TIAM1: variants seen among roughly 807,000 people sequenced by gnomAD.
TIAM1 encodes TIAM Rac1 associated GEF 1.
TIAM1 carries 65 observed loss-of-function variants against 163.5 expected under a neutral mutation model. The observed-to-expected ratio is 0.40, with a 90% CI of 0.33 to 0.49. The LOEUF is 0.49. TIAM1 is among the 20% of genes least tolerant of loss of function. TIAM1 has a pLI of 0.77. For missense variants in TIAM1, 1,789 were observed against 2,044.7 expected, an observed-to-expected ratio of 0.87 and a Z score of 2.41; for synonymous variants, 833 against 810.1, an observed-to-expected ratio of 1.03 and a Z score of -0.48.
chr21:31,447,395 C>A (rs549415475), intron 2 of TIAM1, among the ~76,000 whole-genome samples: 2 of 151,946 alleles, frequency 1.3e-5, no homozygotes, highest in South Asian at 2.1e-4. Flanking sequence ...GTGTTCATGC[C>A]ACTGCACTCC....
chr21:31,212,988 C>A, intron 10 of TIAM1: 1 of 161,642 alleles, frequency 6.2e-6, no homozygotes, highest in Admixed American at 6.1e-5. Context: ...GCTATCAGAA[C>A]AGTTCTTTGA....
intron 11 of TIAM1, among the ~76,000 whole-genome samples, chr21:31,204,725 G>A (rs2086362492): frequency 6.6e-6 from 1 of 152,208 alleles, no homozygotes; most frequent in African/African-American, 2.4e-5. Context: ...TGAGGCAGCA[G>A]TGGTTTAGCA....
chr21:31,477,002 C>T (rs918782709), intron 1 of TIAM1, among the ~76,000 whole-genome samples: 6 of 152,202 alleles, frequency 3.9e-5, no homozygotes, highest in Non-Finnish European at 7.3e-5. Flanking sequence ...CCATTAGAGA[C>T]AGGTTCAAAT....
intron 1 of TIAM1, among the ~76,000 whole-genome samples, chr21:31,530,528 A>G (rs965785796): frequency 1.3e-5 from 2 of 152,242 alleles, no homozygotes; most frequent in Non-Finnish European, 2.9e-5. Context: ...TTGTGTGGCT[A>G]TGAAACTCCT....
chr21:31,185,829 T>C (rs543286188), intron 14 of TIAM1, among the ~76,000 whole-genome samples: 3 of 151,946 alleles, frequency 2.0e-5, no homozygotes, highest in Non-Finnish European at 2.9e-5. Context: ...GCAGAAGCCA[T>C]GTGACTTCAG....
chr21:31,398,426 AAATAAAC>A (rs2077109888), intron 2 of TIAM1, among the ~76,000 whole-genome samples: 2 of 152,186 alleles, frequency 1.3e-5, no homozygotes, highest in Non-Finnish European at 2.9e-5. Context: ...ATTTTTTCTT[AAATAAAC>A]CACCACATAA....
At chr21:31,345,688 C>T (rs983491969), upstream of TIAM1, among the ~76,000 whole-genome samples, 1 of 152,210 alleles carries the variant, frequency 6.6e-6, no homozygotes, top group African/African-American at 2.4e-5. Context: ...CGGTGGCTCA[C>T]GCCTATAATC....
At chr21:31,206,936 T>TACACACACACACAC (rs142792769) in intron 11 of TIAM1, among the ~76,000 whole-genome samples, 5,480 of 151,336 alleles carry the variant, frequency 0.036, 285 homozygotes, top group African/African-American at 0.12. Flanking sequence ...GAAATATGTA[T>TACACACACACACAC]ACACACACAC....
chr21:31,384,503 A>G (rs999421085), intron 2 of TIAM1, among the ~76,000 whole-genome samples: 1 of 152,130 alleles, frequency 6.6e-6, no homozygotes, highest in Non-Finnish European at 1.5e-5. Context: ...TGAGCACAGC[A>G]GCTTGAGGCT....
intron 2 of TIAM1, among the ~76,000 whole-genome samples, chr21:31,356,846 T>C (rs569781892): frequency 2.1e-4 from 32 of 152,362 alleles, no homozygotes; most frequent in African/African-American, 7.7e-4. Flanking sequence ...CTGGGCGCAG[T>C]GGCTCAGGCC....
rs1284045068 is a variant in TIAM1 at position 31,372,490 on chromosome 21, A to C, written c.-368-33068T>G. Among the ~76,000 whole-genome samples the C allele has an allele frequency of 2.0e-5, 3 of 152,146 alleles. No individual in the cohort carries two copies. The South Asian group carries it at 6.2e-4, about 32-fold the overall frequency. On this transcript the variant is annotated intron_variant, in intron 2 of 28. Transcript: ENST00000286827. Reference sequence around the variant, plus strand: ...ACCCCTGCTCAGCCGGAACCTAAGAACCACGAGAGCAGTGGGAGAGGAGCC... The same window carrying C: ...ACCCCTGCTCAGCCGGAACCTAAGACCCACGAGAGCAGTGGGAGAGGAGCC...
intron 4 of TIAM1, among the ~76,000 whole-genome samples, chr21:31,253,299 A>G (rs1201255134): frequency 6.6e-6 from 1 of 152,192 alleles, no homozygotes. Context: ...AGTTTCACCA[A>G]TTTGGGGGCC....
At chr21:31,512,847 T>C (rs1414873747) in intron 1 of TIAM1, among the ~76,000 whole-genome samples, 1 of 152,056 alleles carries the variant, frequency 6.6e-6, no homozygotes, top group Non-Finnish European at 1.5e-5. Flanking sequence ...TTTCACCATG[T>C]TGCCCAGACT....
chr21:31,535,723 T>C (rs112526113), intron 1 of TIAM1, among the ~76,000 whole-genome samples: 6,985 of 146,760 alleles, frequency 0.048, 519 homozygotes, highest in African/African-American at 0.16. Flanking sequence ...ACTCTATACC[T>C]TCCCATGGGA....
chr21:31,264,733 G>C (rs1248574175), intron 4 of TIAM1, among the ~76,000 whole-genome samples: 2 of 152,136 alleles, frequency 1.3e-5, no homozygotes, highest in Non-Finnish European at 2.9e-5. Context: ...ACATACCCTT[G>C]AAATGCCCAT....
intron 1 of TIAM1, among the ~76,000 whole-genome samples, chr21:31,467,086 G>A (rs920871195): frequency 6.6e-6 from 1 of 152,006 alleles, no homozygotes. Context: ...GTTAAACAAA[G>A]TTCCATAATC....
chr21:31,558,809 C>A (rs2048985429), intron 1 of TIAM1: 2 of 152,134 alleles, frequency 1.3e-5, no homozygotes, highest in South Asian at 2.1e-4. Context: ...CCCCAGTGTG[C>A]GGGAGACGGG....
chr21:31,249,668 C>T (rs1222125130), intron 5 of TIAM1, among the ~76,000 whole-genome samples: 1 of 152,124 alleles, frequency 6.6e-6, no homozygotes, highest in Non-Finnish European at 1.5e-5. Flanking sequence ...AAGCCTTTCC[C>T]CTCATCTCCT....
chr21:31,504,118 T>G (rs561226953), intron 1 of TIAM1, among the ~76,000 whole-genome samples: 1 of 152,284 alleles, frequency 6.6e-6, no homozygotes, highest in East Asian at 1.9e-4. Flanking sequence ...CTCTCCAAGT[T>G]AAGCATGGGC....
Sources: allele counts gnomAD v4.1 joint callset (sites outside exome capture counted in the v4.1 genomes callset), GRCh38; gene constraint gnomAD v4.1.1; transcripts MANE v1.5; gene names NCBI Gene and HGNC (gene_info 2026-07-23, HGNC 2026-07-21).